The following NAALADL2 variants were observed in gnomAD, a reference collection of about 807,000 sequenced individuals.
NAALADL2 encodes the protein N-acetylated alpha-linked acidic dipeptidase like 2, also known as inactive N-acetylated-alpha-linked acidic dipeptidase-like protein 2.
A neutral mutation model predicts 87.2 loss-of-function variants in NAALADL2; 76 were observed. The observed-to-expected ratio is 0.87, with a 90% CI of 0.72 to 1.05. The LOEUF (loss-of-function observed/expected upper bound fraction) is 1.05. NAALADL2 is among the 50% of genes least tolerant of loss of function. NAALADL2 has a pLI of 0.00. For missense variants in NAALADL2, 1,089 were observed against 945.8 expected, an observed-to-expected ratio of 1.15 and a Z score of -1.99; for synonymous variants, 354 against 331.0, an observed-to-expected ratio of 1.07 and a Z score of -0.75.
At chr3:175,729,577 G>A (rs1743386666) in intron 11 of NAALADL2, among the ~76,000 whole-genome samples, 2 of 152,066 alleles carry the variant, frequency 1.3e-5, no homozygotes, top group African/African-American at 4.8e-5. Context: ...AACACCAATC[G>A]GTAACCAATC....
chr3:174,804,118 A>G (rs1159044327), intron 3 of NAALADL2, among the ~76,000 whole-genome samples: 1 of 151,940 alleles, frequency 6.6e-6, no homozygotes, highest in Admixed American at 6.6e-5. Context: ...ATGTTCTTCC[A>G]TTTGTTTGTG....
intron 2 of NAALADL2, among the ~76,000 whole-genome samples, chr3:174,589,819 T>A (rs995262731): frequency 4.6e-5 from 7 of 151,730 alleles, no homozygotes; most frequent in African/African-American, 1.7e-4. Flanking sequence ...TGATGTTTTT[T>A]AAACCCTTAT....
chr3:174,560,010 A>G (rs1713389249), intron 2 of NAALADL2, among the ~76,000 whole-genome samples: 2 of 152,240 alleles, frequency 1.3e-5, no homozygotes, highest in South Asian at 4.1e-4. Context: ...CATCTTAAAT[A>G]GGAAGATGTA....
chr3:175,794,329 G>C (rs1374005710), intron 13 of NAALADL2, among the ~76,000 whole-genome samples: 1 of 151,568 alleles, frequency 6.6e-6, no homozygotes, highest in Non-Finnish European at 1.5e-5. Flanking sequence ...TAAGATGAAA[G>C]AAAATGGTCG....
At chr3:175,409,011 CAACTT>C (rs1282133308) in intron 5 of NAALADL2, among the ~76,000 whole-genome samples, 2 of 151,918 alleles carry the variant, frequency 1.3e-5, no homozygotes, top group African/African-American at 4.8e-5. Context: ...TTGTCCAACT[CAACTT>C]AATTTTCCAT....
intron 2 of NAALADL2, among the ~76,000 whole-genome samples, chr3:175,227,650 G>GA (rs749260204): frequency 1.3e-5 from 2 of 151,774 alleles, no homozygotes; most frequent in African/African-American, 2.4e-5. Flanking sequence ...TTATTGTGGG[G>GA]AAAAAATGTA....
chr3:174,671,968 G>GATGA (rs1485544367), intron 2 of NAALADL2, among the ~76,000 whole-genome samples: 28 of 90,236 alleles, frequency 3.1e-4, no homozygotes, highest in Middle Eastern at 6.8e-3. Flanking sequence ...GATGACAGTG[G>GATGA]TGATGATGGC....
At chr3:175,019,515 C>T (rs1266383037) in intron 1 of NAALADL2, among the ~76,000 whole-genome samples, 1 of 151,974 alleles carries the variant, frequency 6.6e-6, no homozygotes, top group African/African-American at 2.4e-5. Flanking sequence ...TGACACAGTA[C>T]ATTGAACATG....
chr3:175,186,758 C>A (rs1737392304), intron 2 of NAALADL2, among the ~76,000 whole-genome samples: 1 of 151,830 alleles, frequency 6.6e-6, no homozygotes, highest in South Asian at 2.1e-4. Flanking sequence ...ACTGTTTATC[C>A]CTGAAGAACT....
intron 3 of NAALADL2, among the ~76,000 whole-genome samples, chr3:174,816,486 CAT>C (rs1158444400): frequency 1.4e-5 from 2 of 139,698 alleles, no homozygotes; most frequent in African/African-American, 5.5e-5. Context: ...TAAATACACG[CAT>C]ATATATACAT....
At chr3:175,176,019 A>G (rs1032809165) in intron 2 of NAALADL2, among the ~76,000 whole-genome samples, 4 of 152,140 alleles carry the variant, frequency 2.6e-5, no homozygotes, top group Non-Finnish European at 5.9e-5. Context: ...AAAGACTAAC[A>G]TTCTATTTTG....
intron 9 of NAALADL2, among the ~76,000 whole-genome samples, chr3:175,554,540 T>C (rs1714949338): frequency 6.6e-6 from 1 of 152,138 alleles, no homozygotes; most frequent in Admixed American, 6.6e-5. Context: ...ATATAGTCAG[T>C]ATCTTTATGT....
rs539328853 is a variant in NAALADL2, at chr3:175,096,763, T to G, written c.44-27T>G. ...TTTTTTAATTGTGTGTTTATTTTAT[T>G]AAAATATATTTTTCTTATTTTCACA... On this transcript the variant is annotated intron_variant, in intron 1 of 13. Transcript: ENST00000454872. 4.9e-5 allele frequency: 67 copies of G among 1,379,374 alleles called. No individual in the cohort carries two copies. The African/African-American group carries it at 8.9e-4, about 18-fold the overall frequency. 85.4% of individuals were successfully genotyped at this position (1,379,374 alleles called of 1,614,324 possible). A position where few individuals can be genotyped will look rare whatever the true frequency, so the allele number is the denominator to read the frequency against.
At chr3:174,541,218 T>G (rs1722190836) in intron 1 of NAALADL2, among the ~76,000 whole-genome samples, 1 of 152,228 alleles carries the variant, frequency 6.6e-6, no homozygotes, top group South Asian at 2.1e-4. Flanking sequence ...TATGCCACAC[T>G]TCACATTCAA....
At chr3:174,972,830 TA>T (rs201720738) in intron 1 of NAALADL2, among the ~76,000 whole-genome samples, 2 of 150,222 alleles carry the variant, frequency 1.3e-5, no homozygotes, top group African/African-American at 4.9e-5. Flanking sequence ...CTGTCTCTAC[TA>T]AAAAAAAATA....
At chr3:175,617,662 G>A (rs1725533816) in intron 10 of NAALADL2, among the ~76,000 whole-genome samples, 1 of 152,178 alleles carries the variant, frequency 6.6e-6, no homozygotes, top group Non-Finnish European at 1.5e-5. Context: ...CACTTTCAGA[G>A]CACTATCTGG....
chr3:175,743,017 C>T (rs1322065918), intron 12 of NAALADL2, among the ~76,000 whole-genome samples: 4 of 149,244 alleles, frequency 2.7e-5, no homozygotes, highest in Admixed American at 1.3e-4. Context: ...TTTTTTCAGA[C>T]GGAGTTTCAT....
intron 2 of NAALADL2, among the ~76,000 whole-genome samples, chr3:174,662,300 A>C (rs1320570743): frequency 6.6e-6 from 1 of 152,204 alleles, no homozygotes; most frequent in African/African-American, 2.4e-5. Flanking sequence ...GAGTATAAGC[A>C]GTATGAAATT....
At chr3:175,746,314 TG>T (rs1284710837) in intron 12 of NAALADL2, among the ~76,000 whole-genome samples, 143 of 135,430 alleles carry the variant, frequency 1.1e-3, no homozygotes, top group African/African-American at 3.9e-3. Context: ...TCACTTGGTT[TG>T]TTTTTTTTTT....
Sources: gnomAD v4.1 joint callset for allele counts (sites outside exome capture counted in the v4.1 genomes callset) on GRCh38, gnomAD v4.1.1 for gene constraint, MANE v1.5 for transcripts, NCBI Gene and HGNC (gene_info 2026-07-23, HGNC 2026-07-21) for gene names.